The following ZC3H13 variants were observed in gnomAD, a reference collection of about 807,000 sequenced individuals.
The protein encoded by ZC3H13 is zinc finger CCCH-type containing 13.
A neutral mutation model predicts 204.1 loss-of-function variants in ZC3H13; 64 were observed. The observed-to-expected ratio is 0.31, with a 90% CI of 0.26 to 0.39. The LOEUF (loss-of-function observed/expected upper bound fraction) is 0.39. ZC3H13 is among the 10% of genes least tolerant of loss of function. The pLI, the probability that ZC3H13 is intolerant of heterozygous loss-of-function variation, is 1.00. For missense variants in ZC3H13, 1,833 were observed against 2,082.7 expected (o/e 0.88, Z 2.33); for synonymous variants, 667 against 693.7 (o/e 0.96, Z 0.60).
intron 1 of ZC3H13, among the ~76,000 whole-genome samples, chr13:46,046,384 C>T (rs1415096642): frequency 6.6e-6 from 1 of 151,568 alleles, no homozygotes; most frequent in Non-Finnish European, 1.5e-5. Context: ...AAGGGCCAGG[C>T]ACAGTGGCTC....
chr13:45,984,066 T>A (rs1474914367), intron 10 of ZC3H13, among the ~76,000 whole-genome samples: 2 of 152,262 alleles, frequency 1.3e-5, no homozygotes, highest in East Asian at 3.8e-4. Flanking sequence ...GCTGACTTTA[T>A]GGTATATTCT....
rs750892339 is a variant in ZC3H13 at position 45,967,580 on chromosome 13, C to T, written c.4245G>A (p.Glu1415=). 1 of 1,612,764 alleles carries T rather than the reference C, an allele frequency of 6.2e-7. No homozygotes were observed. The highest frequency in any genetic ancestry group is 8.5e-7 in the Non-Finnish European group (1 of 1,179,386). Residue 1415 remains glutamate, a synonymous_variant, in exon 15 of 19, where the codon GAG becomes GAA. Transcript: ENST00000679008. ...CAGATCCCAGATCTTTATCCATTCT[C>T]TCTTTATCCAAGGCTAGAGAGTCTC... is the stretch of plus-strand genomic sequence containing the variant. ...TSRDSLALDK[E]RMDKDLGSVQ... is the part of the protein sequence containing the mutation.
intron 8 of ZC3H13, among the ~76,000 whole-genome samples, chr13:45,991,176 T>C (rs977507802): frequency 5.9e-5 from 9 of 152,206 alleles, no homozygotes; most frequent in Non-Finnish European, 1.0e-4. Flanking sequence ...TCTGTGTTTA[T>C]TTCTGGGGTA....
intron 17 of ZC3H13, among the ~76,000 whole-genome samples, chr13:45,959,857 C>G (rs192411681): frequency 1.6e-4 from 24 of 152,118 alleles, no homozygotes; most frequent in African/African-American, 5.5e-4. Flanking sequence ...ATTCTGATAG[C>G]CACTTTAAAT....
chr13:45,982,198 T>C (rs1953701059), intron 10 of ZC3H13, among the ~76,000 whole-genome samples: 1 of 151,926 alleles, frequency 6.6e-6, no homozygotes, highest in Non-Finnish European at 1.5e-5. Flanking sequence ...AATTACAGCA[T>C]GATTCTACGG....
intron 10 of ZC3H13, among the ~76,000 whole-genome samples, chr13:45,980,582 T>C (rs1396442885): frequency 2.0e-5 from 3 of 152,212 alleles, no homozygotes; most frequent in Non-Finnish European, 4.4e-5. Context: ...CATGGAATAC[T>C]ATTCGGCAAT....
In ZC3H13 at chr13:45,985,750, T is replaced by C; in HGVS notation, c.1267A>G (p.Lys423Glu). Residue 423 changes from lysine to glutamate, a missense_variant, in exon 10 of 19, where the codon AAA (lysine) becomes GAA (glutamate). Lys to Glu is a moderately conservative substitution (Grantham distance 56). Coordinates refer to ENST00000679008, the MANE Select transcript of ZC3H13 (RefSeq NM_001330564.2). The part of the protein sequence containing the change: ...RHERREDTRG[K>E]RDREKDSREE... ...CTTGAGTCCTTTTCTCTGTCTCGTTTGCCCCTAGTATCTGTAATGCAATTT... is the reference window on the plus strand; with the variant it reads ...CTTGAGTCCTTTTCTCTGTCTCGTTCGCCCCTAGTATCTGTAATGCAATTT... 2 of 1,607,130 alleles carry C rather than the reference T, an allele frequency of 1.2e-6. No individual in the cohort carries two copies. The highest frequency in any genetic ancestry group is 1.7e-6 in the Non-Finnish European group (2 of 1,177,748).
Position 45,955,042 on chromosome 13 carries a change from T to C in ZC3H13, c.*2085A>G, listed in dbSNP as rs1593417968. On this transcript the variant is annotated 3_prime_UTR_variant, in exon 19 of 19. Transcript: ENST00000679008. ...TCTTGCCCTTTATCTATCTACACAATTCCTTATTACCAGCAGCTGGAATCC... is the reference window on the plus strand; with the variant it reads ...TCTTGCCCTTTATCTATCTACACAACTCCTTATTACCAGCAGCTGGAATCC... The C allele has an allele frequency of 6.6e-6, 1 of 152,186 alleles. No homozygotes were observed. The highest frequency in any genetic ancestry group is 1.5e-5 in the Non-Finnish European group (1 of 68,028). The allele number at this position is 152,186 out of a possible 1,614,324, so 9.4% of individuals were successfully genotyped here. A position where few individuals can be genotyped will look rare whatever the true frequency, so the allele number is the denominator to read the frequency against.
Position 45,967,946 on chromosome 13 carries a change from A to G in ZC3H13, c.3879T>C (p.Phe1293=). The part of the protein sequence containing the change: ...DRQVHSRSGS[F]DSRDRLQERD... ...GTTCTTGAAGCCTGTCTCTGCTATC[A>G]AATGACCCAGATCTTGAATGGACCT... The change falls in exon 15 of 19, where the codon TTT becomes TTC. Residue 1293 remains phenylalanine, a synonymous_variant. Coordinates refer to ENST00000679008, the MANE Select transcript of ZC3H13 (RefSeq NM_001330564.2). 1 of 1,613,894 alleles carries G rather than the reference A, an allele frequency of 6.2e-7. No individual in the cohort carries two copies. Among genetic ancestry groups the G allele is most frequent in the Non-Finnish European group, 8.5e-7 (1 of 1,179,914 alleles).
At chr13:46,051,190 T>C (rs1473293995) in intron 1 of ZC3H13, among the ~76,000 whole-genome samples, 1 of 152,240 alleles carries the variant, frequency 6.6e-6, no homozygotes, top group Non-Finnish European at 1.5e-5. Flanking sequence ...TTTAGTATGT[T>C]AAATTCATAT....
intron 10 of ZC3H13, among the ~76,000 whole-genome samples, chr13:45,982,207 G>C (rs929285408): frequency 6.6e-6 from 1 of 151,744 alleles, no homozygotes; most frequent in Non-Finnish European, 1.5e-5. Flanking sequence ...ATGATTCTAC[G>C]GGTATTTTAA....
At chr13:46,042,323 A>G in intron 3 of ZC3H13, 48 bp from the exon 4 acceptor site, 1 of 1,317,400 alleles carries the variant, frequency 7.6e-7, no homozygotes, top group African/African-American at 1.5e-5. Flanking sequence ...ACAAAACAAC[A>G]AAAATCTGTA....
chr13:46,022,695 T>G (rs1183944297), intron 4 of ZC3H13, among the ~76,000 whole-genome samples: 1 of 151,862 alleles, frequency 6.6e-6, no homozygotes, highest in African/African-American at 2.4e-5. Flanking sequence ...ACCCTTGGGA[T>G]CAGATATTTT....
At chr13:45,964,066 T>A (rs1951888314) in intron 16 of ZC3H13, 24 bp from the exon 17 acceptor site, 1 of 1,593,528 alleles carries the variant, frequency 6.3e-7, no homozygotes, top group African/African-American at 1.4e-5. Flanking sequence ...AAAAGTAAGA[T>A]TTGTTTTACA....
intron 4 of ZC3H13, among the ~76,000 whole-genome samples, chr13:46,025,365 G>A (rs1843688107): frequency 6.6e-6 from 1 of 152,130 alleles, no homozygotes; most frequent in African/African-American, 2.4e-5. Flanking sequence ...GAAGAGCAGT[G>A]ACGCAATCAT....
At chr13:45,986,381 C>T (rs899478849) in intron 9 of ZC3H13, among the ~76,000 whole-genome samples, 1 of 152,166 alleles carries the variant, frequency 6.6e-6, no homozygotes, top group Non-Finnish European at 1.5e-5. Flanking sequence ...TCACTTGAAT[C>T]CAGGAGTTTG....
At chr13:45,991,072 G>C (rs1311488894) in intron 8 of ZC3H13, among the ~76,000 whole-genome samples, 1 of 152,166 alleles carries the variant, frequency 6.6e-6, no homozygotes, top group Non-Finnish European at 1.5e-5. Flanking sequence ...AAAGTGCTGG[G>C]ATTATAGGCA....
intron 18 of ZC3H13, among the ~76,000 whole-genome samples, chr13:45,958,316 A>G (rs946441794): frequency 6.6e-6 from 1 of 152,214 alleles, no homozygotes; most frequent in Non-Finnish European, 1.5e-5. Context: ...TGCCCCAAGT[A>G]AAAAGCTAGT....
intron 4 of ZC3H13, among the ~76,000 whole-genome samples, chr13:46,040,859 A>C (rs2043529961): frequency 6.6e-6 from 1 of 152,174 alleles, no homozygotes; most frequent in South Asian, 2.1e-4. Flanking sequence ...AGAATCCAAA[A>C]TGCAAATCAA....
Sources: allele counts gnomAD v4.1 joint callset (sites outside exome capture counted in the v4.1 genomes callset), GRCh38; gene constraint gnomAD v4.1.1; transcripts MANE v1.5; gene names NCBI Gene and HGNC (gene_info 2026-07-23, HGNC 2026-07-21).